Variants in DLGAP2 observed in about 807,000 individuals in gnomAD.
DLGAP2 encodes DLG associated protein 2.
A neutral mutation model predicts 100.3 loss-of-function variants in DLGAP2; 26 were observed. The observed-to-expected ratio is 0.26, with a 90% confidence interval of 0.19 to 0.36. The LOEUF is 0.36. Ranked by LOEUF, DLGAP2 falls within the 10% of genes least tolerant of loss-of-function variation. The pLI is 1.00. For missense variants in DLGAP2, 1,858 were observed against 1,453.2 expected, an observed-to-expected ratio of 1.28 and a Z score of -4.53; for synonymous variants, 886 against 630.1, an observed-to-expected ratio of 1.41 and a Z score of -6.08.
In DLGAP2 at chr8:788,450, G is replaced by A. The variant is rs575268885; in HGVS notation, c.18+50625G>A. On this transcript the variant is annotated intron_variant, in intron 1 of 14. Transcript: ENST00000637795. ...TTGGCGTCTGTGTCCACGTGGTCTG[G>A]TCAGCAGAAGCCTCAGCCTTTGGGG... 2.6e-5 allele frequency among the ~76,000 whole-genome samples: 4 copies of A among 152,338 alleles called. 1 individual carries two copies. The East Asian group carries it at 5.8e-4, about 22-fold the overall frequency.
chr8:989,857 C>T (rs1014673357), intron 2 of DLGAP2, among the ~76,000 whole-genome samples: 1 of 152,174 alleles, frequency 6.6e-6, no homozygotes, highest in Admixed American at 6.5e-5. Flanking sequence ...ATGACACCAG[C>T]TGCTCTTGTC....
chr8:1,129,861 C>G (rs1461860653), intron 2 of DLGAP2, among the ~76,000 whole-genome samples: 1 of 152,078 alleles, frequency 6.6e-6, no homozygotes, highest in African/African-American at 2.4e-5. Flanking sequence ...GGGCCTTGGA[C>G]CCCCAGGACC....
intron 2 of DLGAP2, among the ~76,000 whole-genome samples, chr8:1,038,377 C>G (rs1391787953): frequency 6.6e-6 from 1 of 152,124 alleles, no homozygotes; most frequent in East Asian, 1.9e-4. Context: ...TGGCAGGGAA[C>G]CTCCAACCCC....
chr8:1,318,498 T>C (rs1156652674), intron 3 of DLGAP2, among the ~76,000 whole-genome samples: 1 of 150,868 alleles, frequency 6.6e-6, no homozygotes, highest in Non-Finnish European at 1.5e-5. Context: ...CCTTGGATTC[T>C]AGAAAAGGCT....
At chr8:1,082,001 A>G (rs1281567022) in intron 2 of DLGAP2, among the ~76,000 whole-genome samples, 1 of 152,190 alleles carries the variant, frequency 6.6e-6, no homozygotes, top group Non-Finnish European at 1.5e-5. Flanking sequence ...AAGACAGCGA[A>G]ACTGTCTTTT....
intron 2 of DLGAP2, among the ~76,000 whole-genome samples, chr8:1,244,693 C>G (rs1410956449): frequency 6.6e-6 from 1 of 152,172 alleles, no homozygotes; most frequent in African/African-American, 2.4e-5. Flanking sequence ...GGACGTGCAT[C>G]TTTGTGATCT....
intron 2 of DLGAP2, among the ~76,000 whole-genome samples, chr8:957,390 C>T (rs142820206): frequency 3.9e-5 from 6 of 152,302 alleles, no homozygotes; most frequent in East Asian, 1.9e-4. Context: ...CTATAGAAAA[C>T]GCAGGGCTGC....
At chr8:1,413,568 AG>A (rs1796793340) in intron 3 of DLGAP2, among the ~76,000 whole-genome samples, 1 of 152,382 alleles carries the variant, frequency 6.6e-6, no homozygotes, top group Admixed American at 6.5e-5. Flanking sequence ...TCACAGAAAA[AG>A]TATTGCCTTA....
At chr8:1,083,531 C>T (rs1026619130) in intron 2 of DLGAP2, among the ~76,000 whole-genome samples, 3 of 152,152 alleles carry the variant, frequency 2.0e-5, no homozygotes, top group African/African-American at 7.2e-5. Context: ...CTTATTCATT[C>T]CACACAGTAT....
At chr8:751,004 G>A (rs551550247) in intron 1 of DLGAP2, among the ~76,000 whole-genome samples, 7 of 152,300 alleles carry the variant, frequency 4.6e-5, no homozygotes, top group East Asian at 1.9e-4. Context: ...AACAGGTGTC[G>A]GTAGGCACGC....
At chr8:1,638,921 T>C (rs1330861457) in intron 8 of DLGAP2, among the ~76,000 whole-genome samples, 3 of 152,176 alleles carry the variant, frequency 2.0e-5, no homozygotes, top group Non-Finnish European at 2.9e-5. Context: ...ATGGAGGTGA[T>C]GCTGTTGCAG....
chr8:916,038 C>G (rs1172001583), intron 2 of DLGAP2, among the ~76,000 whole-genome samples: 12 of 151,598 alleles, frequency 7.9e-5, no homozygotes, highest in Admixed American at 7.9e-4. Context: ...TGTAGACTCT[C>G]TGCACTCTCT....
chr8:1,022,245 C>T (rs1243686593), intron 2 of DLGAP2, among the ~76,000 whole-genome samples: 4 of 150,638 alleles, frequency 2.7e-5, no homozygotes, highest in Non-Finnish European at 5.9e-5. Context: ...GTAGACACTC[C>T]AGCCGCCACC....
In DLGAP2 at chr8:975,827, C is replaced by T. The variant is rs1450074391; in HGVS notation, c.73+67861C>T. 3.9e-5 allele frequency among the ~76,000 whole-genome samples: 6 copies of T among 152,242 alleles called. No individual in the cohort carries two copies. The South Asian group carries it at 6.2e-4, about 16-fold the overall frequency. ...TTCCCCTCATATCAGAAGCAAAACA[C>T]TCTTACCATGTTGGAAGTTTGAGCA... On this transcript the variant is annotated intron_variant, in intron 2 of 14. Coordinates refer to ENST00000637795, the MANE Select transcript of DLGAP2 (RefSeq NM_001346810.2).
Position 1,085,337 on chromosome 8 carries a change from G to T in DLGAP2, c.74-173514G>T, listed in dbSNP as rs577499881. 2.6e-5 allele frequency among the ~76,000 whole-genome samples: 4 copies of T among 152,044 alleles called. No individual in the cohort carries two copies. The East Asian group carries it at 5.8e-4, about 22-fold the overall frequency. Reference sequence around the variant, plus strand: ...TATTTCTTTACCTCATTGATTCTTTGTTGGGCAGAAGCCTTCTATTTGGAT... The same window carrying T: ...TATTTCTTTACCTCATTGATTCTTTTTTGGGCAGAAGCCTTCTATTTGGAT... On this transcript the variant is annotated intron_variant, in intron 2 of 14. Coordinates refer to ENST00000637795, the MANE Select transcript of DLGAP2 (RefSeq NM_001346810.2).
At chr8:1,584,191 C>T (rs1003621502) in intron 6 of DLGAP2, among the ~76,000 whole-genome samples, 1 of 152,164 alleles carries the variant, frequency 6.6e-6, no homozygotes, top group Non-Finnish European at 1.5e-5. Flanking sequence ...TCTTATGACT[C>T]ATTTGTCAGG....
chr8:1,003,692 C>T (rs915683366), intron 2 of DLGAP2, among the ~76,000 whole-genome samples: 10 of 152,162 alleles, frequency 6.6e-5, no homozygotes, highest in African/African-American at 2.4e-4. Flanking sequence ...TCACACAGGG[C>T]AGGTGGGGCT....
chr8:1,258,229 C>A (rs1348693663), intron 2 of DLGAP2, among the ~76,000 whole-genome samples: 3 of 152,190 alleles, frequency 2.0e-5, no homozygotes, highest in Non-Finnish European at 4.4e-5. Context: ...GTCAAGGTTT[C>A]AATATTGAAA....
intron 6 of DLGAP2, among the ~76,000 whole-genome samples, chr8:1,579,379 G>A (rs1803132485): frequency 6.6e-6 from 1 of 151,988 alleles, no homozygotes; most frequent in African/African-American, 2.4e-5. Flanking sequence ...CTCTGGGGGT[G>A]GAGAAGACGT....
Sources: gnomAD v4.1 joint callset for allele counts (sites outside exome capture counted in the v4.1 genomes callset) on GRCh38, gnomAD v4.1.1 for gene constraint, MANE v1.5 for transcripts, NCBI Gene and HGNC (gene_info 2026-07-23, HGNC 2026-07-21) for gene names.